Variants in DCC observed in about 807,000 individuals in gnomAD.
DCC encodes the protein netrin receptor DCC.
In DCC, 58 loss-of-function variants were observed where a neutral mutation model predicts 172.5. The ratio of observed to expected loss-of-function variants is 0.34; its 90% CI spans 0.27 to 0.42. The LOEUF is 0.42. Ranked by LOEUF, DCC falls within the 10% of genes least tolerant of loss-of-function variation. The pLI, the probability that DCC is intolerant of heterozygous loss-of-function variation, is 1.00. For synonymous variants in DCC, 709 were observed against 644.5 expected (o/e 1.10, Z -1.52); for missense variants, 1,740 against 1,791.0 (o/e 0.97, Z 0.51).
At chr18:52,997,232 G>C (rs952232134) in intron 5 of DCC, among the ~76,000 whole-genome samples, 2 of 152,074 alleles carry the variant, frequency 1.3e-5, no homozygotes, top group Admixed American at 1.3e-4. Context: ...CTTCACCTAG[G>C]AGCTGTCTCT....
chr18:53,501,803 T>A (rs2046103048), intron 27 of DCC, among the ~76,000 whole-genome samples: 1 of 152,196 alleles, frequency 6.6e-6, no homozygotes, highest in African/African-American at 2.4e-5. Flanking sequence ...TGCTCTGAAG[T>A]GCTACAATAA....
At position 53,089,350 on chromosome 18, in the gene DCC, T is replaced by G. The variant is rs530322431; in HGVS notation, c.1261+23184T>G. On this transcript the variant is annotated intron_variant, in intron 7 of 28. Transcript: ENST00000442544. ...ATCTTCCCACCTCGGCCTCCCAAAA[T>G]GCTGGGATTACAGGTGTGAGCCACT... 2.0e-5 allele frequency among the ~76,000 whole-genome samples: 3 copies of G among 152,094 alleles called. No homozygotes were observed. In the South Asian group the frequency reaches 6.2e-4, roughly 32 times the overall value.
intron 9 of DCC, among the ~76,000 whole-genome samples, chr18:53,194,201 A>G (rs900354463): frequency 6.6e-6 from 1 of 152,186 alleles, no homozygotes; most frequent in Non-Finnish European, 1.5e-5. Flanking sequence ...TACAGGCTCA[A>G]ATCAATGTGA....
At chr18:53,258,073 T>C (rs1419826699) in intron 12 of DCC, among the ~76,000 whole-genome samples, 8 of 152,206 alleles carry the variant, frequency 5.3e-5, no homozygotes, top group Non-Finnish European at 4.4e-5. Flanking sequence ...TTTATCATTT[T>C]TTCTTGCATG....
intron 1 of DCC, among the ~76,000 whole-genome samples, chr18:52,749,492 C>A (rs2036962768): frequency 6.6e-6 from 1 of 152,204 alleles, no homozygotes. Flanking sequence ...TCCATCTTTT[C>A]TATAAAACTA....
At chr18:52,564,003 T>G (rs911950903) in intron 1 of DCC, among the ~76,000 whole-genome samples, 4 of 152,138 alleles carry the variant, frequency 2.6e-5, no homozygotes, top group Non-Finnish European at 5.9e-5. Context: ...TTCCTAATAG[T>G]AAAAAGTAGA....
chr18:52,351,796 C>G (rs1984133508), intron 1 of DCC, among the ~76,000 whole-genome samples: 1 of 151,842 alleles, frequency 6.6e-6, no homozygotes, highest in African/African-American at 2.4e-5. Context: ...GCATTTTGTC[C>G]CTATTACTAT....
At chr18:53,133,903 TG>T (rs1248605998) in intron 7 of DCC, among the ~76,000 whole-genome samples, 14 of 152,154 alleles carry the variant, frequency 9.2e-5, no homozygotes, top group African/African-American at 3.4e-4. Context: ...AGAGTTTAGA[TG>T]TTGGAATTAA....
rs148828797 is a variant in DCC at position 52,377,900 on chromosome 18, A to G, written c.91+37022A>G. On this transcript the variant is annotated intron_variant, in intron 1 of 28. Transcript: ENST00000442544. Reference sequence around the variant, plus strand: ...TTTTTAGTAGAGGTGGGGTTTTGACATGTTGGCCAGGCTGGTCTCACACTT... The same window carrying G: ...TTTTTAGTAGAGGTGGGGTTTTGACGTGTTGGCCAGGCTGGTCTCACACTT... Among the ~76,000 whole-genome samples the G allele has an allele frequency of 9.0e-3, 1,366 of 152,086 alleles. 8 individuals are homozygous for G. The highest frequency in any genetic ancestry group is 0.017 in the Middle Eastern group (5 of 294).
At chr18:52,637,552 G>A (rs534520527) in intron 1 of DCC, among the ~76,000 whole-genome samples, 2 of 152,230 alleles carry the variant, frequency 1.3e-5, no homozygotes, top group South Asian at 4.2e-4. Context: ...AATTGTACAA[G>A]TAGAACAAAG....
intron 1 of DCC, among the ~76,000 whole-genome samples, chr18:52,589,169 G>A (rs1598936290): frequency 6.6e-6 from 1 of 152,292 alleles, no homozygotes; most frequent in East Asian, 1.9e-4. Flanking sequence ...TTAGCAAATT[G>A]CAGAAGGGCT....
At chr18:52,733,140 C>T (rs964318447) in intron 1 of DCC, among the ~76,000 whole-genome samples, 1 of 152,054 alleles carries the variant, frequency 6.6e-6, no homozygotes, top group African/African-American at 2.4e-5. Context: ...AGCAAAATGG[C>T]ATAGAGTTGT....
rs554479014 is a variant in DCC, at chr18:53,388,187, C to T, written c.2455+2049C>T. 1.3e-4 allele frequency among the ~76,000 whole-genome samples: 20 copies of T among 152,114 alleles called. No homozygotes were observed. The East Asian group carries it at 2.9e-3, about 22-fold the overall frequency. The stretch of plus-strand genomic sequence containing the variant: ...TTGGAGAAAAGCCAGTTAAGGGGTT[C>T]GAGAAGAATGCGTGATTCCAGCCCT... On this transcript the variant is annotated intron_variant, in intron 16 of 28. Coordinates refer to ENST00000442544, the MANE Select transcript of DCC (RefSeq NM_005215.4).
intron 27 of DCC, among the ~76,000 whole-genome samples, chr18:53,506,845 A>G (rs1377144528): frequency 7.4e-6 from 1 of 134,842 alleles, no homozygotes; most frequent in Admixed American, 8.0e-5. Context: ...GTGACAGAGC[A>G]AGAGACTCCA....
chr18:53,439,978 G>A (rs543084060), intron 22 of DCC, among the ~76,000 whole-genome samples: 2 of 151,254 alleles, frequency 1.3e-5, no homozygotes, highest in Admixed American at 1.3e-4. Flanking sequence ...TTTTAGCCGG[G>A]ATGGTCTCGA....
At chr18:53,395,473 T>A (rs1272893343) in intron 17 of DCC, among the ~76,000 whole-genome samples, 1 of 152,186 alleles carries the variant, frequency 6.6e-6, no homozygotes, top group Non-Finnish European at 1.5e-5. Context: ...TTTATTTCCA[T>A]TTCTAAGACT....
At chr18:53,388,385 A>C (rs916801331) in intron 16 of DCC, among the ~76,000 whole-genome samples, 2 of 152,256 alleles carry the variant, frequency 1.3e-5, no homozygotes, top group African/African-American at 4.8e-5. Flanking sequence ...GCTTCTGCAA[A>C]GGCATACCAT....
chr18:52,886,592 G>A (rs923840428), intron 2 of DCC, among the ~76,000 whole-genome samples: 21 of 152,118 alleles, frequency 1.4e-4, no homozygotes, highest in South Asian at 6.2e-4. Context: ...TAGCTGTAGC[G>A]TATTCGTTGT....
At chr18:53,305,481 T>C in intron 12 of DCC, 97 bp from the exon 13 acceptor site, 3 of 1,006,700 alleles carry the variant, frequency 3.0e-6, no homozygotes, top group Non-Finnish European at 4.7e-6. Context: ...TTCTTGCTTC[T>C]CTGCTTTCTT....
Sources: allele counts gnomAD v4.1 joint callset (sites outside exome capture counted in the v4.1 genomes callset), GRCh38; gene constraint gnomAD v4.1.1; transcripts MANE v1.5; gene names NCBI Gene and HGNC (gene_info 2026-07-23, HGNC 2026-07-21).